WNT9A: variants seen among roughly 807,000 people sequenced by gnomAD.
WNT9A encodes Wnt family member 9A.
In WNT9A, 8 loss-of-function variants were observed where a neutral mutation model predicts 31.4. That is an observed-to-expected ratio of 0.26 (90% CI 0.15 to 0.46). The LOEUF (loss-of-function observed/expected upper bound fraction) is 0.46. Ranked by LOEUF, WNT9A falls within the 20% of genes least tolerant of loss-of-function variation. The probability of loss-of-function intolerance (pLI) is 0.99; values close to 1 mark genes in which losing one functional copy is unlikely to be tolerated. For missense variants in WNT9A, 457 were observed against 522.9 expected, an observed-to-expected ratio of 0.87 and a Z score of 1.23; for synonymous variants, 236 against 220.1, an observed-to-expected ratio of 1.07 and a Z score of -0.64.
In WNT9A at chr1:227,942,587, C is replaced by A. The variant is rs1371072563; in HGVS notation, c.95+5206G>T. On this transcript the variant is annotated intron_variant, in intron 1 of 3. Transcript: ENST00000272164. This position sits in a 1 kb window ranked among gnomAD's most constrained non-coding sequence, Gnocchi z 5.7. ...TGGCCCCCAGGGCCCCTCCTCTCAG[C>A]CCTCTGCTGAGGTCTGCCCCACTGA... Among the ~76,000 whole-genome samples, 1 of 152,168 alleles carries A rather than the reference C, an allele frequency of 6.6e-6. No individual in the cohort carries two copies. Among genetic ancestry groups the A allele is most frequent in the Admixed American group, 6.5e-5 (1 of 15,290 alleles).
At position 227,928,145 on chromosome 1, in the gene WNT9A, C is replaced by T. The variant is rs1007152404; in HGVS notation, c.96-2626G>A. ...GCCGGGGCACTGAGAGCTGGTTTGA[C>T]GGTGACTAGCTGAGTCCTCCAGCCT... is the stretch of plus-strand genomic sequence containing the variant. On this transcript the variant is annotated intron_variant, in intron 1 of 3. Transcript: ENST00000272164. The surrounding 1 kb of genome is among the most constrained non-coding windows in gnomAD (Gnocchi z 4.5). 3.3e-5 allele frequency among the ~76,000 whole-genome samples: 5 copies of T among 152,142 alleles called. No homozygotes were observed. The highest frequency in any genetic ancestry group is 6.5e-5 in the Admixed American group (1 of 15,270).
chr1:227,947,540 TACG>T (rs1375701256), intron 1 of WNT9A, among the ~76,000 whole-genome samples: 13 of 151,226 alleles, frequency 8.6e-5, no homozygotes, highest in African/African-American at 1.9e-4. Context: ...CGGCGGCGAC[TACG>T]ACGACGACGA....
At position 227,925,398 on chromosome 1, in the gene WNT9A, G is replaced by A. The variant is rs150512189; in HGVS notation, c.217C>T (p.Arg73Cys). ...GTCTCTGCCACGCCCGGGTCCCGGC[G>A]GCACATGCGCCGCTGCTTCCGCTCC... Reference protein sequence around the residue: ...KLERKQRRMCRRDPGVAETLV... With the variant: ...KLERKQRRMCCRDPGVAETLV... The change falls in exon 2 of 4, where the codon CGC (arginine) becomes TGC (cysteine). Residue 73 changes from arginine to cysteine, a missense_variant. Transcript: ENST00000272164. This position sits in a 1 kb window ranked among gnomAD's most constrained non-coding sequence, Gnocchi z 6.0. 58 of 1,609,652 alleles carry A rather than the reference G, an allele frequency of 3.6e-5. No individual in the cohort carries two copies. Among genetic ancestry groups the A allele is most frequent in the Non-Finnish European group, 4.7e-5 (55 of 1,179,212 alleles).
chr1:227,925,629 A>G lies in WNT9A; in HGVS notation c.96-110T>C. On this transcript the variant is annotated intron_variant, in intron 1 of 3. Transcript: ENST00000272164. The surrounding 1 kb of genome is among the most constrained non-coding windows in gnomAD (Gnocchi z 6.0). ...GGACAGGCGTGTCCATCCGGGGGTG[A>G]GGGGGCAGAAAGAATCCAGGATGAG... 1 of 1,403,384 alleles carries G rather than the reference A, an allele frequency of 7.1e-7. No individual in the cohort carries two copies. The highest frequency in any genetic ancestry group is 1.5e-5 in the African/African-American group (1 of 68,340). The allele number at this position is 1,403,384 out of a possible 1,614,324, so 86.9% of individuals were successfully genotyped here. A position where few individuals can be genotyped will look rare whatever the true frequency, so the allele number is the denominator to read the frequency against.
intron 2 of WNT9A, 38 bp from the exon 3 acceptor site, chr1:227,924,438 C>T: frequency 1.3e-6 from 2 of 1,586,660 alleles, no homozygotes; most frequent in South Asian, 1.1e-5. Context: ...GCCCAGGCTG[C>T]CCAGAGTTCC....
rs139460117 is a variant in WNT9A at position 227,925,387 on chromosome 1, C to T, written c.228G>A (p.Pro76=). The change falls in exon 2 of 4, where the codon CCG becomes CCA. Residue 76 remains proline, a synonymous_variant. Coordinates refer to ENST00000272164, the MANE Select transcript of WNT9A (RefSeq NM_003395.4). The surrounding 1 kb of genome is among the most constrained non-coding windows in gnomAD (Gnocchi z 6.0). ...RKQRRMCRRD[P]GVAETLVEAV... Reference sequence around the variant, plus strand: ...CCTCCACCAGCGTCTCTGCCACGCCCGGGTCCCGGCGGCACATGCGCCGCT... The same window carrying T: ...CCTCCACCAGCGTCTCTGCCACGCCTGGGTCCCGGCGGCACATGCGCCGCT... 18 of 1,610,516 alleles carry T rather than the reference C, an allele frequency of 1.1e-5. No homozygotes were observed. The highest frequency in any genetic ancestry group is 2.2e-5 in the South Asian group (2 of 90,872).
chr1:227,925,383 C>T lies in WNT9A; in HGVS notation c.232G>A (p.Val78Met), dbSNP rs1411208231. The T allele has an allele frequency of 3.7e-6, 6 of 1,611,118 alleles. No individual in the cohort carries two copies. The highest frequency in any genetic ancestry group is 3.4e-6 in the Non-Finnish European group (4 of 1,179,490). Residue 78 changes from valine to methionine, a missense_variant, in exon 2 of 4, where the codon GTG (valine) becomes ATG (methionine). Physicochemically the swap from Val to Met is conservative, Grantham distance 21. Transcript: ENST00000272164. The surrounding 1 kb of genome is among the most constrained non-coding windows in gnomAD (Gnocchi z 6.0). ...QRRMCRRDPGVAETLVEAVSM... is the reference protein window; with the variant it reads ...QRRMCRRDPGMAETLVEAVSM... ...ACGGCCTCCACCAGCGTCTCTGCCACGCCCGGGTCCCGGCGGCACATGCGC... is the reference window on the plus strand; with the variant it reads ...ACGGCCTCCACCAGCGTCTCTGCCATGCCCGGGTCCCGGCGGCACATGCGC...
intron 1 of WNT9A, among the ~76,000 whole-genome samples, chr1:227,932,043 A>G (rs1666521479): frequency 6.6e-6 from 1 of 152,212 alleles, no homozygotes; most frequent in Non-Finnish European, 1.5e-5. Flanking sequence ...AAGCAAGACA[A>G]CTATGAAGTT....
At chr1:227,946,452 C>T (rs1314367668) in intron 1 of WNT9A, among the ~76,000 whole-genome samples, 2 of 152,236 alleles carry the variant, frequency 1.3e-5, no homozygotes, top group Non-Finnish European at 2.9e-5. Context: ...ACCTGTGGCC[C>T]TCCCTCCTGC....
chr1:227,941,865 G>A lies in WNT9A; in HGVS notation c.95+5928C>T, dbSNP rs540935269. Among the ~76,000 whole-genome samples, 665 of 152,142 alleles carry A rather than the reference G, an allele frequency of 4.4e-3. 4 individuals are homozygous for A. Among genetic ancestry groups the A allele is most frequent in the Non-Finnish European group, 5.4e-3 (366 of 67,984 alleles). On this transcript the variant is annotated intron_variant, in intron 1 of 3. Transcript: ENST00000272164. Reference sequence around the variant, plus strand: ...CGCCGCCCAGCACAATGCACAAAGGGAGCCCGTGCCGCAGCTGGGATCAGG... The same window carrying A: ...CGCCGCCCAGCACAATGCACAAAGGAAGCCCGTGCCGCAGCTGGGATCAGG...
chr1:227,934,101 C>G (rs566767596), intron 1 of WNT9A, among the ~76,000 whole-genome samples: 72 of 152,330 alleles, frequency 4.7e-4, no homozygotes, highest in Non-Finnish European at 9.6e-4. Flanking sequence ...TGCTGAGAGG[C>G]ACCTGGGTTG....
At position 227,925,251 on chromosome 1, in the gene WNT9A, G is replaced by T; in HGVS notation, c.352+12C>A. 1 of 1,534,230 alleles carries T rather than the reference G, an allele frequency of 6.5e-7. No individual in the cohort carries two copies. Reference sequence around the variant, plus strand: ...CTGGGGCCTTCCTGAGGGCCAGGCCGGCCACACTCACCTCGCTTGAGCAGG... The same window carrying T: ...CTGGGGCCTTCCTGAGGGCCAGGCCTGCCACACTCACCTCGCTTGAGCAGG... On this transcript the variant is annotated intron_variant, in intron 2 of 3. Coordinates refer to ENST00000272164, the MANE Select transcript of WNT9A (RefSeq NM_003395.4). The surrounding 1 kb of genome is among the most constrained non-coding windows in gnomAD (Gnocchi z 6.0).
chr1:227,925,843 G>C lies in WNT9A; in HGVS notation c.96-324C>G, dbSNP rs920371604. Among the ~76,000 whole-genome samples, 1 of 152,226 alleles carries C rather than the reference G, an allele frequency of 6.6e-6. No individual in the cohort carries two copies. The highest frequency in any genetic ancestry group is 3.4e-3 in the Middle Eastern group (1 of 292). On this transcript the variant is annotated intron_variant, in intron 1 of 3. Transcript: ENST00000272164. The surrounding 1 kb of genome is among the most constrained non-coding windows in gnomAD (Gnocchi z 6.0). Reference sequence around the variant, plus strand: ...GACCCCCACAACACACACAACATACGCAAGAGGACAGCCCCGCCTAGGGCT... The same window carrying C: ...GACCCCCACAACACACACAACATACCCAAGAGGACAGCCCCGCCTAGGGCT...
Position 227,928,331 on chromosome 1 carries a change from AGGCAGGGTG to A in WNT9A, c.96-2821_96-2813del, listed in dbSNP as rs1228977557. On this transcript the variant is annotated intron_variant, in intron 1 of 3. Coordinates refer to ENST00000272164, the MANE Select transcript of WNT9A (RefSeq NM_003395.4). This position sits in a 1 kb window ranked among gnomAD's most constrained non-coding sequence, Gnocchi z 4.5. ...GGGTGACTGACCCTGATCCAAGGCC[AGGCAGGGTG>A]GGCAGGGTGGGCCGTTGGCACTGTC... Among the ~76,000 whole-genome samples, 2 of 133,178 alleles carry A rather than the reference AGGCAGGGTG, an allele frequency of 1.5e-5. No homozygotes were observed. Among genetic ancestry groups the A allele is most frequent in the African/African-American group, 2.8e-5 (1 of 36,140 alleles). 87.4% of individuals were successfully genotyped at this position (133,178 alleles called of 152,430 possible).
intron 1 of WNT9A, 39 bp downstream of exon 1, chr1:227,947,754 C>T (rs1666819252): frequency 1.9e-6 from 2 of 1,052,004 alleles, no homozygotes; most frequent in Admixed American, 5.4e-5. Flanking sequence ...CCCCGCCGCC[C>T]CCGCCCACCA....
rs932556472 is a variant in WNT9A at position 227,942,492 on chromosome 1, G to C, written c.95+5301C>G. On this transcript the variant is annotated intron_variant, in intron 1 of 3. Coordinates refer to ENST00000272164, the MANE Select transcript of WNT9A (RefSeq NM_003395.4). The surrounding 1 kb of genome is among the most constrained non-coding windows in gnomAD (Gnocchi z 5.7). ...ACGGGGTCCCAGTCCAGGAGTCCTG[G>C]AGAAATGCCCCGACTTTCCACTGGC... 6.6e-6 allele frequency among the ~76,000 whole-genome samples: 1 copy of C among 152,082 alleles called. No individual in the cohort carries two copies. The highest frequency in any genetic ancestry group is 6.5e-5 in the Admixed American group (1 of 15,276).
rs372678412 is a variant in WNT9A, at chr1:227,921,764, G to A, written c.852C>T (p.Pro284=). ...ASGAGGSDPL[P]RTPELVHLDD... ...CCAGGTGCACCAGCTCTGGAGTGCG[G>A]GGCAGCGGGTCGCTGCCACCTGCCC... The change falls in exon 4 of 4, where the codon CCC becomes CCT. Residue 284 remains proline, a synonymous_variant. Coordinates refer to ENST00000272164, the MANE Select transcript of WNT9A (RefSeq NM_003395.4). The A allele has an allele frequency of 1.2e-6, 2 of 1,612,364 alleles. No homozygotes were observed. Among genetic ancestry groups the A allele is most frequent in the African/African-American group, 1.3e-5 (1 of 75,050 alleles).
intron 1 of WNT9A, among the ~76,000 whole-genome samples, chr1:227,943,700 G>A (rs115364940): frequency 6.6e-6 from 1 of 152,252 alleles, no homozygotes; most frequent in African/African-American, 2.4e-5. Context: ...TGCAGGCGGG[G>A]AGCAAGGGCT....
Position 227,921,240 on chromosome 1 carries a change from A to C in WNT9A, c.*278T>G. 5.1e-6 allele frequency: 2 copies of C among 389,478 alleles called. No individual in the cohort carries two copies. Among genetic ancestry groups the C allele is most frequent in the East Asian group, 4.9e-5 (1 of 20,590 alleles). 24.1% of individuals were successfully genotyped at this position (389,478 alleles called of 1,614,324 possible). A position where few individuals can be genotyped will look rare whatever the true frequency, so the allele number is the denominator to read the frequency against. Reference sequence around the variant, plus strand: ...ATGTGCAGCAGGGCTGACTGGGCCCAGGGATTCAGCCTTGGCAGGTGTAGG... The same window carrying C: ...ATGTGCAGCAGGGCTGACTGGGCCCCGGGATTCAGCCTTGGCAGGTGTAGG... On this transcript the variant is annotated 3_prime_UTR_variant, in exon 4 of 4. Coordinates refer to ENST00000272164, the MANE Select transcript of WNT9A (RefSeq NM_003395.4).
Sources: allele counts gnomAD v4.1 joint callset (sites outside exome capture counted in the v4.1 genomes callset), GRCh38; gene constraint gnomAD v4.1.1; non-coding constraint Gnocchi (gnomAD v3.1); transcripts MANE v1.5; gene names NCBI Gene and HGNC (gene_info 2026-07-23, HGNC 2026-07-21).